PRKG2: variants seen among roughly 807,000 people sequenced by gnomAD.
PRKG2 encodes protein kinase cGMP-dependent 2.
Under a neutral mutation model 97.2 loss-of-function variants are expected in PRKG2, and 33 were observed. The observed-to-expected ratio is 0.34, with a 90% CI of 0.26 to 0.45. The LOEUF is 0.45. Ranked by LOEUF, PRKG2 falls within the 20% of genes least tolerant of loss-of-function variation. The pLI is 1.00. For synonymous variants in PRKG2, 330 were observed against 321.8 expected (o/e 1.03, Z -0.27); for missense variants, 638 against 900.0 (o/e 0.71, Z 3.73).
intron 14 of PRKG2, among the ~76,000 whole-genome samples, chr4:81,118,861 C>T (rs1744803041): frequency 6.6e-6 from 1 of 152,168 alleles, no homozygotes; most frequent in Non-Finnish European, 1.5e-5. Context: ...GTGGCATGAT[C>T]TCTGCTCAAT....
rs1376443618 is a variant in PRKG2, at chr4:81,087,389, T to C, written c.*2319A>G. 6.6e-6 allele frequency: 1 copy of C among 152,084 alleles called. No homozygotes were observed. Among genetic ancestry groups the C allele is most frequent in the Non-Finnish European group, 1.5e-5 (1 of 67,956 alleles). 9.4% of individuals were successfully genotyped at this position (152,084 alleles called of 1,614,324 possible). On this transcript the variant is annotated 3_prime_UTR_variant, in exon 19 of 19. Coordinates refer to ENST00000264399, the MANE Select transcript of PRKG2 (RefSeq NM_006259.3). ...ATACACCGAAGTTTTTGGTCAATCA[T>C]TTTTACTTCATGATTTAAAAGAAAA...
intron 1 of PRKG2, among the ~76,000 whole-genome samples, chr4:81,208,103 T>C (rs1753777010): frequency 6.6e-6 from 1 of 151,952 alleles, no homozygotes; most frequent in African/African-American, 2.4e-5. Context: ...AGCAATAGAG[T>C]CAGGCCAATT....
chr4:81,153,875 A>G, intron 6 of PRKG2, 154 bp from the exon 7 acceptor site: 2 of 581,182 alleles, frequency 3.4e-6, no homozygotes, highest in Non-Finnish European at 6.1e-6. Context: ...CTCACTAGGG[A>G]GTGCCAGACA....
upstream of PRKG2, among the ~76,000 whole-genome samples, chr4:81,217,055 G>GTATATATATA (rs1410182031): frequency 5.1e-5 from 5 of 98,078 alleles, 1 homozygote; most frequent in Admixed American, 1.0e-4. Context: ...ATATATATAT[G>GTATATATATA]TGTATATATA....
At chr4:81,174,687 G>A in intron 3 of PRKG2, 106 bp downstream of exon 3, 1 of 1,184,786 alleles carries the variant, frequency 8.4e-7, no homozygotes, top group Non-Finnish European at 1.2e-6. Context: ...AATATGTTAT[G>A]TTTTCTACAA....
rs1352627711 is a variant in PRKG2, at chr4:81,174,904, C to A, written c.517G>T (p.Asp173Tyr). 2 of 1,612,548 alleles carry A rather than the reference C, an allele frequency of 1.2e-6. No individual in the cohort carries two copies. Among genetic ancestry groups the A allele is most frequent in the Non-Finnish European group, 1.7e-6 (2 of 1,179,090 alleles). The change falls in exon 3 of 19, where the codon GAT becomes TAT. Residue 173 changes from aspartate (D) to tyrosine (Y), a missense_variant. By Grantham distance (160) the Asp-to-Tyr change is radical. Around this residue, in one of 3 missense-constraint regions of PRKG2, gnomAD observed 332 missense variants for 421.7 expected, o/e 0.79. Coordinates refer to ENST00000264399, the MANE Select transcript of PRKG2 (RefSeq NM_006259.3). The stretch of plus-strand genomic sequence containing the variant: ...ACCATGTCTTTGATCTGCTGAGGAT[C>A]CAGTCTTTTCAGAAACTGATTTTTA... ...LNKNQFLKRL[D>Y]PQQIKDMVEC...
intron 6 of PRKG2, among the ~76,000 whole-genome samples, 158 bp downstream of exon 6, chr4:81,167,003 A>G (rs919319420): frequency 6.6e-6 from 1 of 152,148 alleles, no homozygotes; most frequent in Non-Finnish European, 1.5e-5. Flanking sequence ...ACCCCTTAAC[A>G]CAGCATGAGT....
intron 17 of PRKG2, among the ~76,000 whole-genome samples, chr4:81,099,378 T>C (rs1183857272): frequency 6.6e-6 from 1 of 152,172 alleles, no homozygotes; most frequent in African/African-American, 2.4e-5. Flanking sequence ...TCAAGTGGGC[T>C]TCATCCCTGG....
At chr4:81,191,599 A>G (rs536413394) in intron 2 of PRKG2, among the ~76,000 whole-genome samples, 6 of 152,138 alleles carry the variant, frequency 3.9e-5, no homozygotes, top group African/African-American at 1.4e-4. Context: ...TAATAAAAAT[A>G]AAAAAAGAAT....
intron 2 of PRKG2, among the ~76,000 whole-genome samples, chr4:81,184,746 A>G (rs1431582629): frequency 1.3e-5 from 2 of 152,216 alleles, no homozygotes; most frequent in African/African-American, 4.8e-5. Flanking sequence ...AATGTTGAAA[A>G]AGGGTTAGAG....
rs79577345 is a variant in PRKG2, at chr4:81,096,134, T to A, written c.2127-3682A>T. ...GGTTGGAGAGGCTGTGGTAATTTCT[T>A]AAAATAAGACAATGATAAAGTTTGC... On this transcript the variant is annotated intron_variant, in intron 17 of 18. Coordinates refer to ENST00000264399, the MANE Select transcript of PRKG2 (RefSeq NM_006259.3). Among the ~76,000 whole-genome samples, 304 of 152,276 alleles carry A rather than the reference T, an allele frequency of 2.0e-3. 9 individuals carry two copies. The East Asian group carries it at 0.055, about 27-fold the overall frequency.
intron 17 of PRKG2, among the ~76,000 whole-genome samples, chr4:81,101,977 C>T (rs1742849200): frequency 6.6e-6 from 1 of 152,032 alleles, no homozygotes; most frequent in African/African-American, 2.4e-5. Flanking sequence ...CTGATGTTCC[C>T]CACCTTCAGC....
intron 12 of PRKG2, among the ~76,000 whole-genome samples, chr4:81,139,534 G>A (rs1479211130): frequency 6.6e-6 from 1 of 151,840 alleles, no homozygotes; most frequent in Admixed American, 6.6e-5. Flanking sequence ...TTGGGAGGCC[G>A]AGGTTGGCAG....
intron 14 of PRKG2, among the ~76,000 whole-genome samples, chr4:81,111,688 A>T (rs921573654): frequency 1.3e-5 from 2 of 151,660 alleles, no homozygotes; most frequent in African/African-American, 2.4e-5. Flanking sequence ...TATTCAAAGA[A>T]CTCCGTGCAC....
At chr4:81,109,789 A>G (rs1808945) in intron 15 of PRKG2, among the ~76,000 whole-genome samples, 5,552 of 152,206 alleles carry the variant, frequency 0.036, 345 homozygotes, top group African/African-American at 0.13. Flanking sequence ...TAGCCTGTGT[A>G]TGTGTGTTTG....
At chr4:81,100,787 G>A (rs1742668517) in intron 17 of PRKG2, among the ~76,000 whole-genome samples, 2 of 152,072 alleles carry the variant, frequency 1.3e-5, no homozygotes, top group African/African-American at 2.4e-5. Context: ...GCAACCTACA[G>A]AATGGGAGAA....
intron 6 of PRKG2, 64 bp from the exon 7 acceptor site, chr4:81,153,785 A>G: frequency 8.6e-7 from 1 of 1,168,636 alleles, no homozygotes; most frequent in South Asian, 1.2e-5. Context: ...TAATAGGAAC[A>G]GCTCCAGTAT....
At chr4:81,154,324 G>C (rs1325848887) in intron 6 of PRKG2, 1 of 152,530 alleles carries the variant, frequency 6.6e-6, no homozygotes, top group African/African-American at 2.4e-5. Context: ...GCAGGGCACA[G>C]ACAAACAAAA....
At chr4:81,156,109 G>T (rs1553925588) in intron 6 of PRKG2, among the ~76,000 whole-genome samples, 1 of 152,070 alleles carries the variant, frequency 6.6e-6, no homozygotes, top group Non-Finnish European at 1.5e-5. Context: ...TGGACTAAAT[G>T]CTCCAATTAA....
Sources: allele counts gnomAD v4.1 joint callset (sites outside exome capture counted in the v4.1 genomes callset), GRCh38; gene constraint gnomAD v4.1.1; regional missense constraint gnomAD v4.1.1; transcripts MANE v1.5; gene names NCBI Gene and HGNC (gene_info 2026-07-23, HGNC 2026-07-21).